CARMIL1: variants seen among roughly 807,000 people sequenced by gnomAD.
The protein encoded by CARMIL1 is F-actin-uncapping protein LRRC16A.
A neutral mutation model predicts 177.1 loss-of-function variants in CARMIL1; 90 were observed. The observed-to-expected ratio is 0.51, with a 90% CI of 0.43 to 0.61. The LOEUF is 0.61. CARMIL1 is among the 20% of genes least tolerant of loss of function. CARMIL1 has a pLI of 0.00. For synonymous variants in CARMIL1, 577 were observed against 606.2 expected (o/e 0.95, Z 0.71); for missense variants, 1,380 against 1,667.0 (o/e 0.83, Z 3.00).
At chr6:25,565,365 C>T (rs1050319438) in intron 29 of CARMIL1, among the ~76,000 whole-genome samples, 3 of 152,310 alleles carry the variant, frequency 2.0e-5, no homozygotes, top group South Asian at 2.1e-4. Flanking sequence ...GAGGTACTCA[C>T]AAGGCCCTGG....
chr6:25,423,294 A>G lies in CARMIL1; in HGVS notation c.189+3130A>G, dbSNP rs1796011049. ...GACATGTGCATCTCAGTAATTAACT[A>G]CGAAGCAAACACTTCTGCAGTCACA... is the stretch of plus-strand genomic sequence containing the variant. On this transcript the variant is annotated intron_variant, in intron 3 of 36. Transcript: ENST00000329474. Among the ~76,000 whole-genome samples, 2 of 152,238 alleles carry G rather than the reference A, an allele frequency of 1.3e-5. 1 individual carries two copies. The highest frequency in any genetic ancestry group is 2.9e-5 in the Non-Finnish European group (2 of 68,040).
intron 2 of CARMIL1, among the ~76,000 whole-genome samples, chr6:25,367,368 G>T (rs1789936847): frequency 6.6e-6 from 1 of 152,170 alleles, no homozygotes; most frequent in African/African-American, 2.4e-5. Context: ...GCTGAGTGGG[G>T]TGAAGACCTG....
chr6:25,288,342 GGTGAAAGTT>G (rs1441728443), intron 2 of CARMIL1, among the ~76,000 whole-genome samples: 1 of 152,138 alleles, frequency 6.6e-6, no homozygotes, highest in Non-Finnish European at 1.5e-5. Context: ...TGGGATGTCA[GGTGAAAGTT>G]AGGACTGGTT....
At chr6:25,310,306 C>T (rs1783690187) in intron 2 of CARMIL1, among the ~76,000 whole-genome samples, 1 of 152,168 alleles carries the variant, frequency 6.6e-6, no homozygotes, top group Non-Finnish European at 1.5e-5. Context: ...ATTAGGGAGT[C>T]AGGGAAGGCT....
chr6:25,477,478 T>A (rs947552202), intron 11 of CARMIL1, among the ~76,000 whole-genome samples: 1 of 152,160 alleles, frequency 6.6e-6, no homozygotes, highest in African/African-American at 2.4e-5. Flanking sequence ...ACCACACACA[T>A]ACACAAGCTA....
chr6:25,559,351 A>G (rs1810912043), intron 29 of CARMIL1, among the ~76,000 whole-genome samples: 1 of 152,178 alleles, frequency 6.6e-6, no homozygotes, highest in Non-Finnish European at 1.5e-5. Flanking sequence ...TGCAGTCCAT[A>G]TTTCAAAGGG....
At chr6:25,557,518 T>C (rs1177046983) in intron 29 of CARMIL1, among the ~76,000 whole-genome samples, 1 of 152,218 alleles carries the variant, frequency 6.6e-6, no homozygotes, top group Non-Finnish European at 1.5e-5. Context: ...TAGCTACTTC[T>C]CACTTTACCA....
In CARMIL1 at chr6:25,515,230, G is replaced by C. The variant is rs1033865509; in HGVS notation, c.1633-445G>C. 6.6e-6 allele frequency among the ~76,000 whole-genome samples: 1 copy of C among 152,136 alleles called. No homozygotes were observed. Among genetic ancestry groups the C allele is most frequent in the African/African-American group, 2.4e-5 (1 of 41,426 alleles). ...TAAACATAGTAATTGTTCAATAATT[G>C]TCAGCTATTATTAATCCTGGCTGGC... is the stretch of plus-strand genomic sequence containing the variant. On this transcript the variant is annotated intron_variant, in intron 20 of 36. Coordinates refer to ENST00000329474, the MANE Select transcript of CARMIL1 (RefSeq NM_017640.6). The surrounding 1 kb of genome is among the most constrained non-coding windows in gnomAD (Gnocchi z 5.0).
At chr6:25,448,297 C>T (rs890397040) in intron 5 of CARMIL1, among the ~76,000 whole-genome samples, 8 of 152,134 alleles carry the variant, frequency 5.3e-5, no homozygotes, top group African/African-American at 1.2e-4. Context: ...ACCTGTGAGG[C>T]GCACCATGGC....
intron 25 of CARMIL1, among the ~76,000 whole-genome samples, chr6:25,539,134 T>C (rs1165731716): frequency 6.6e-6 from 1 of 152,056 alleles, no homozygotes; most frequent in East Asian, 1.9e-4. Flanking sequence ...GTTCTGTAAG[T>C]CATTTTAGCA....
intron 2 of CARMIL1, among the ~76,000 whole-genome samples, chr6:25,333,953 T>C (rs560546959): frequency 2.0e-5 from 3 of 152,236 alleles, no homozygotes; most frequent in Non-Finnish European, 4.4e-5. Flanking sequence ...ATCACACCAA[T>C]GATAAGTTTC....
chr6:25,454,415 G>A (rs778622629), intron 8 of CARMIL1, among the ~76,000 whole-genome samples: 9 of 152,304 alleles, frequency 5.9e-5, no homozygotes, highest in Non-Finnish European at 1.3e-4. Flanking sequence ...GCACAGATAG[G>A]TGTCACGGGC....
intron 26 of CARMIL1, 85 bp from the exon 27 acceptor site, chr6:25,550,825 T>G (rs1374099626): frequency 8.0e-7 from 1 of 1,253,578 alleles, no homozygotes; most frequent in Non-Finnish European, 1.1e-6. Context: ...GGGCTCCGTG[T>G]CATATATAAC....
intron 8 of CARMIL1, among the ~76,000 whole-genome samples, chr6:25,457,638 A>G (rs1368257892): frequency 6.6e-6 from 1 of 152,226 alleles, no homozygotes; most frequent in East Asian, 1.9e-4. Flanking sequence ...TCAGGAAATG[A>G]TAATGCTAGG....
intron 3 of CARMIL1, 133 bp downstream of exon 3, chr6:25,420,297 C>CT: frequency 1.2e-6 from 1 of 809,248 alleles, no homozygotes; most frequent in South Asian, 1.6e-5. Context: ...ACACACCTCA[C>CT]TTACATAGAC....
chr6:25,603,343 A>G (rs1021955926), intron 33 of CARMIL1, among the ~76,000 whole-genome samples: 10 of 152,208 alleles, frequency 6.6e-5, no homozygotes, highest in Non-Finnish European at 1.3e-4. Context: ...GTGCTTGTAT[A>G]CACATTTCCT....
chr6:25,394,577 C>T (rs2150553185), intron 2 of CARMIL1, among the ~76,000 whole-genome samples: 1 of 152,286 alleles, frequency 6.6e-6, no homozygotes, highest in East Asian at 1.9e-4. Flanking sequence ...TTAATGACTA[C>T]TGTGTGGCAA....
intron 35 of CARMIL1, among the ~76,000 whole-genome samples, chr6:25,609,420 C>A (rs907461158): frequency 6.6e-6 from 1 of 150,668 alleles, no homozygotes; most frequent in African/African-American, 2.5e-5. Context: ...GAGCCGGGAT[C>A]GCACCACTGC....
chr6:25,365,316 G>A (rs974764909), intron 2 of CARMIL1, among the ~76,000 whole-genome samples: 1 of 152,112 alleles, frequency 6.6e-6, no homozygotes, highest in Admixed American at 6.5e-5. Flanking sequence ...AGGCATCTTT[G>A]GCTTGCAGCC....
Sources: allele counts gnomAD v4.1 joint callset (sites outside exome capture counted in the v4.1 genomes callset), GRCh38; gene constraint gnomAD v4.1.1; non-coding constraint Gnocchi (gnomAD v3.1); transcripts MANE v1.5; gene names NCBI Gene and HGNC (gene_info 2026-07-23, HGNC 2026-07-21).